Variants in GRXCR1 observed in about 807,000 individuals in gnomAD.
GRXCR1 encodes the protein glutaredoxin domain-containing cysteine-rich protein 1.
GRXCR1 carries 27 observed loss-of-function variants against 27.3 expected under a neutral mutation model. The ratio of observed to expected loss-of-function variants is 0.99; its 90% CI spans 0.73 to 1.37. GRXCR1 has a LOEUF of 1.37. Among genes scored for constraint, GRXCR1 ranks in the 40% most tolerant of loss-of-function variants. GRXCR1 has a pLI of 0.00. For synonymous variants in GRXCR1, 122 were observed against 131.1 expected, an observed-to-expected ratio of 0.93 and a Z score of 0.47; for missense variants, 379 against 354.4, an observed-to-expected ratio of 1.07 and a Z score of -0.56.
chr4:43,025,343 A>G (rs1311711799), intron 3 of GRXCR1, among the ~76,000 whole-genome samples: 2 of 152,210 alleles, frequency 1.3e-5, no homozygotes, highest in African/African-American at 2.4e-5. Context: ...GTTTACTGCT[A>G]TATTCCCATT....
chr4:42,943,270 C>A (rs1357722438), intron 1 of GRXCR1, among the ~76,000 whole-genome samples: 7 of 152,026 alleles, frequency 4.6e-5, no homozygotes, highest in African/African-American at 1.7e-4. Context: ...TTTTGTTTAT[C>A]CTTGAAAGAA....
At chr4:42,904,336 T>C (rs114625812) in intron 1 of GRXCR1, among the ~76,000 whole-genome samples, 6,170 of 152,292 alleles carry the variant, frequency 0.041, 176 homozygotes, top group Non-Finnish European at 0.067. Flanking sequence ...CATTCTTCTA[T>C]CAATTATTCT....
intron 2 of GRXCR1, among the ~76,000 whole-genome samples, chr4:42,978,751 A>G (rs1748582645): frequency 6.6e-6 from 1 of 151,998 alleles, no homozygotes; most frequent in Non-Finnish European, 1.5e-5. Context: ...GCAAACAGAG[A>G]CAATGACATG....
chr4:42,926,400 G>GAACAATTA (rs1209165558), intron 1 of GRXCR1, among the ~76,000 whole-genome samples: 1 of 151,906 alleles, frequency 6.6e-6, no homozygotes, highest in Non-Finnish European at 1.5e-5. Context: ...TATAGCAGAG[G>GAACAATTA]AACAATTAAC....
chr4:43,003,888 T>C (rs1293622320), intron 2 of GRXCR1, among the ~76,000 whole-genome samples: 1 of 152,216 alleles, frequency 6.6e-6, no homozygotes, highest in Non-Finnish European at 1.5e-5. Flanking sequence ...GAAAACATTT[T>C]CTGGGGGAAA....
At chr4:42,904,638 G>GCA (rs1746543548) in intron 1 of GRXCR1, among the ~76,000 whole-genome samples, 6 of 152,042 alleles carry the variant, frequency 3.9e-5, no homozygotes, top group Admixed American at 3.9e-4. Flanking sequence ...TGAAATGAAT[G>GCA]AGTTATTGTG....
At chr4:42,919,813 T>C (rs1746968427) in intron 1 of GRXCR1, among the ~76,000 whole-genome samples, 1 of 152,172 alleles carries the variant, frequency 6.6e-6, no homozygotes, top group African/African-American at 2.4e-5. Context: ...TTTCTAGAAA[T>C]GTAAATTTCT....
chr4:42,930,782 G>T (rs972332817), intron 1 of GRXCR1, among the ~76,000 whole-genome samples: 7 of 152,020 alleles, frequency 4.6e-5, no homozygotes, highest in Admixed American at 1.3e-4. Flanking sequence ...CATGTGTAAG[G>T]TCCTAGCATA....
At position 42,990,173 on chromosome 4, in the gene GRXCR1, C is replaced by CTTTTTTTTTTTTT. The variant is rs745784596; in HGVS notation, c.627+27063_627+27075dup. The stretch of plus-strand genomic sequence containing the variant: ...AACTTCTTGAATTGAATTATTAGTT[C>CTTTTTTTTTTTTT]TTTTTTTTTTTTTTTTTTTTTTTTT... On this transcript the variant is annotated intron_variant, in intron 2 of 3. Transcript: ENST00000399770. Among the ~76,000 whole-genome samples, 44 of 46,230 alleles carry CTTTTTTTTTTTTT rather than the reference C, an allele frequency of 9.5e-4. 18 individuals are homozygous for CTTTTTTTTTTTTT. Among genetic ancestry groups the CTTTTTTTTTTTTT allele is most frequent in the Admixed American group, 2.9e-3 (8 of 2,756 alleles). 30.3% of individuals were successfully genotyped at this position (46,230 alleles called of 152,430 possible).
intron 1 of GRXCR1, among the ~76,000 whole-genome samples, chr4:42,916,962 C>A (rs917193678): frequency 1.3e-5 from 2 of 152,014 alleles, no homozygotes; most frequent in African/African-American, 4.8e-5. Flanking sequence ...ATTGAGTATA[C>A]ATATTGAGGA....
At chr4:42,903,575 G>A (rs1290871234) in intron 1 of GRXCR1, among the ~76,000 whole-genome samples, 1 of 147,648 alleles carries the variant, frequency 6.8e-6, no homozygotes, top group Admixed American at 7.1e-5. Context: ...GCCTCCCAGA[G>A]TGCTGGGATA....
intron 1 of GRXCR1, among the ~76,000 whole-genome samples, chr4:42,928,341 C>T (rs879867710): frequency 4.6e-5 from 7 of 151,950 alleles, no homozygotes; most frequent in African/African-American, 7.2e-5. Flanking sequence ...CAGCAGATGA[C>T]ATGAGGAAAT....
intron 2 of GRXCR1, among the ~76,000 whole-genome samples, chr4:42,976,270 A>G (rs1748516156): frequency 6.6e-6 from 1 of 152,072 alleles, no homozygotes; most frequent in Non-Finnish European, 1.5e-5. Context: ...GCAATCTGGT[A>G]AAAAGCTTGA....
intron 2 of GRXCR1, among the ~76,000 whole-genome samples, chr4:42,974,261 T>C (rs1748455716): frequency 6.6e-6 from 1 of 152,114 alleles, no homozygotes; most frequent in Non-Finnish European, 1.5e-5. Context: ...CATCAAAATG[T>C]GGAAACTGCA....
chr4:42,932,656 A>G (rs1187451529), intron 1 of GRXCR1, among the ~76,000 whole-genome samples: 1 of 131,808 alleles, frequency 7.6e-6, no homozygotes, highest in Non-Finnish European at 1.6e-5. Flanking sequence ...AGAGAGAGAG[A>G]GAGAGAGAGG....
chr4:42,952,090 C>T (rs191691210), intron 1 of GRXCR1, among the ~76,000 whole-genome samples: 19 of 152,284 alleles, frequency 1.2e-4, no homozygotes, highest in Middle Eastern at 6.8e-3. Context: ...AAGTGGGCAA[C>T]TGAACTTGGA....
chr4:42,994,197 C>T (rs1712073046), intron 2 of GRXCR1, among the ~76,000 whole-genome samples: 1 of 152,046 alleles, frequency 6.6e-6, no homozygotes, highest in African/African-American at 2.4e-5. Context: ...GACTATAAGT[C>T]ATGTGCAAGA....
chr4:42,903,692 C>G (rs78813672), intron 1 of GRXCR1, among the ~76,000 whole-genome samples: 2 of 147,624 alleles, frequency 1.4e-5, no homozygotes. Context: ...CCTAAATTTG[C>G]GCTTGCTTCA....
chr4:42,951,201 C>A (rs370865411), intron 1 of GRXCR1, among the ~76,000 whole-genome samples: 10 of 152,322 alleles, frequency 6.6e-5, no homozygotes, highest in Admixed American at 5.2e-4. Flanking sequence ...GCAAATCCAA[C>A]CTTCCTCTGC....
Sources: gnomAD v4.1 joint callset for allele counts (sites outside exome capture counted in the v4.1 genomes callset) on GRCh38, gnomAD v4.1.1 for gene constraint, MANE v1.5 for transcripts, NCBI Gene and HGNC (gene_info 2026-07-23, HGNC 2026-07-21) for gene names.